ARIH2: variants seen among roughly 807,000 people sequenced by gnomAD.
ARIH2 encodes ariadne RBR E3 ubiquitin protein ligase 2.
ARIH2 carries 12 observed loss-of-function variants against 79.8 expected under a neutral mutation model. The ratio of observed to expected loss-of-function variants is 0.15; its 90% confidence interval spans 0.10 to 0.24. The LOEUF (loss-of-function observed/expected upper bound fraction) is 0.24. ARIH2 is among the 10% of genes least tolerant of loss of function. The probability of loss-of-function intolerance (pLI) is 1.00; values close to 1 mark genes in which losing one functional copy is unlikely to be tolerated. For missense variants in ARIH2, 301 were observed against 618.3 expected, an observed-to-expected ratio of 0.49 and a Z score of 5.44; for synonymous variants, 224 against 213.9, an observed-to-expected ratio of 1.05 and a Z score of -0.41.
chr3:48,919,313 G>C, intron 1 of ARIH2: 2 of 866,614 alleles, frequency 2.3e-6, no homozygotes, highest in Non-Finnish European at 3.1e-6. Context: ...GCGCCGCCTC[G>C]GGGCTCACCA....
At chr3:48,930,783 C>T (rs1456480653) in intron 3 of ARIH2, among the ~76,000 whole-genome samples, 4 of 152,138 alleles carry the variant, frequency 2.6e-5, no homozygotes, top group Non-Finnish European at 2.9e-5. Flanking sequence ...TCCCATTGGT[C>T]GTAGTGCTGA....
chr3:48,952,940 T>C (rs964436422), intron 3 of ARIH2, among the ~76,000 whole-genome samples: 3 of 152,100 alleles, frequency 2.0e-5, no homozygotes, highest in Non-Finnish European at 4.4e-5. Flanking sequence ...AGCAATTTTT[T>C]TTTTTTTAAA....
At position 48,979,451 on chromosome 3, in the gene ARIH2, A is replaced by G. The variant is rs767376945; in HGVS notation, c.962-31A>G. On this transcript the variant is annotated intron_variant, in intron 11 of 15. Transcript: ENST00000356401. The stretch of plus-strand genomic sequence containing the variant: ...GGAGGAAAGTGGAGTTGTCTTGTAG[A>G]TGTAAATGACTCTTCCTCTGTTCTG... 11 of 1,606,082 alleles carry G rather than the reference A, an allele frequency of 6.8e-6. No homozygotes were observed. The Admixed American group carries it at 1.5e-4, about 22-fold the overall frequency.
At chr3:48,934,936 A>G (rs374972189) in intron 3 of ARIH2, 1 of 985,184 alleles carries the variant, frequency 1.0e-6, no homozygotes, top group Non-Finnish European at 1.2e-6. Flanking sequence ...GTCATGTGTA[A>G]TCAAGGGGTG....
intron 14 of ARIH2, chr3:48,982,678 T>A (rs2092793295): frequency 1.9e-6 from 1 of 534,080 alleles, no homozygotes; most frequent in South Asian, 2.3e-5. Flanking sequence ...GGAGTGGACC[T>A]TTTGAGGGTC....
intron 2 of ARIH2, 58 bp from the exon 3 acceptor site, chr3:48,927,404 T>G: frequency 4.4e-6 from 4 of 908,118 alleles, no homozygotes; most frequent in Non-Finnish European, 6.5e-6. Flanking sequence ...CTTGAATGGT[T>G]TCTGTTACAA....
intron 3 of ARIH2, among the ~76,000 whole-genome samples, chr3:48,946,257 C>T (rs1483609764): frequency 6.6e-6 from 1 of 151,930 alleles, no homozygotes; most frequent in Non-Finnish European, 1.5e-5. Flanking sequence ...AACTGTGTGA[C>T]ACATTTACTA....
At chr3:48,966,412 T>A (rs926879800) in intron 5 of ARIH2, among the ~76,000 whole-genome samples, 3 of 152,220 alleles carry the variant, frequency 2.0e-5, no homozygotes, top group African/African-American at 7.2e-5. Flanking sequence ...CAGATTGTCT[T>A]TCTCTGCCAG....
chr3:48,962,112 C>T (rs2091330916), intron 4 of ARIH2, among the ~76,000 whole-genome samples: 1 of 152,106 alleles, frequency 6.6e-6, no homozygotes, highest in Admixed American at 6.5e-5. Context: ...CGTGGTGGCT[C>T]ATGCCTGTAA....
In ARIH2 at chr3:48,986,332, G is replaced by GTTTGTTT. The variant is rs2092899462; in HGVS notation, c.*3071_*3077dup. On this transcript the variant is annotated 3_prime_UTR_variant, in exon 16 of 16. Coordinates refer to ENST00000356401, the MANE Select transcript of ARIH2 (RefSeq NM_006321.4). The stretch of plus-strand genomic sequence containing the variant: ...TAGAAGGAATTGATCACTAGTGAAT[G>GTTTGTTT]TTTGTTTTTTGTTTTGAGACAGTCT... 6.6e-6 allele frequency: 1 copy of GTTTGTTT among 152,220 alleles called. No individual in the cohort carries two copies. The highest frequency in any genetic ancestry group is 2.4e-5 in the African/African-American group (1 of 41,430). 9.4% of individuals were successfully genotyped at this position (152,220 alleles called of 1,614,324 possible). A position where few individuals can be genotyped will look rare whatever the true frequency, so the allele number is the denominator to read the frequency against.
intron 6 of ARIH2, among the ~76,000 whole-genome samples, chr3:48,967,519 C>T (rs1055244902): frequency 6.6e-6 from 1 of 152,208 alleles, no homozygotes; most frequent in Admixed American, 6.5e-5. Flanking sequence ...TACCTTCTCT[C>T]ACCTTTTGGG....
At chr3:48,976,369 C>T (rs1375533550) in intron 11 of ARIH2, among the ~76,000 whole-genome samples, 1 of 151,998 alleles carries the variant, frequency 6.6e-6, no homozygotes, top group East Asian at 1.9e-4. Context: ...CACCACCACA[C>T]CTGGATAATT....
chr3:48,961,554 G>A (rs368801554), intron 3 of ARIH2, 58 bp from the exon 4 acceptor site: 23 of 1,137,598 alleles, frequency 2.0e-5, no homozygotes, highest in Middle Eastern at 1.9e-4. Flanking sequence ...CTCAAAATGC[G>A]AAACACTTTA....
intron 12 of ARIH2, 47 bp downstream of exon 12, chr3:48,979,680 A>G: frequency 3.1e-6 from 5 of 1,601,902 alleles, no homozygotes; most frequent in Non-Finnish European, 4.3e-6. Flanking sequence ...GGCTTCTTCC[A>G]CTTGGCCTGC....
intron 13 of ARIH2, among the ~76,000 whole-genome samples, chr3:48,981,317 A>G (rs1432367169): frequency 6.6e-6 from 1 of 151,936 alleles, no homozygotes; most frequent in Non-Finnish European, 1.5e-5. Flanking sequence ...GGGCAACAGA[A>G]CAAAACCTTG....
chr3:48,932,646 G>A (rs904208413), intron 3 of ARIH2, among the ~76,000 whole-genome samples: 2 of 152,214 alleles, frequency 1.3e-5, no homozygotes, highest in Non-Finnish European at 2.9e-5. Flanking sequence ...CAAAGCCCAG[G>A]CAGGATCATG....
rs1435511506 is a variant in ARIH2, at chr3:48,965,156, C to CATCCTGGCTAACACGGTGAA, written c.387+176_387+195dup. On this transcript the variant is annotated intron_variant, in intron 5 of 15. Transcript: ENST00000356401. ...GATTACGAGGTCAGGAGATCGAGAC[C>CATCCTGGCTAACACGGTGAA]ATCCTGGCTAACACGGTGAAACCCT... 3.3e-5 allele frequency among the ~76,000 whole-genome samples: 5 copies of CATCCTGGCTAACACGGTGAA among 151,448 alleles called. No homozygotes were observed. The East Asian group carries it at 7.8e-4, about 24-fold the overall frequency.
intron 3 of ARIH2, among the ~76,000 whole-genome samples, chr3:48,933,571 A>G (rs2086689017): frequency 1.5e-5 from 2 of 130,906 alleles, no homozygotes; most frequent in Admixed American, 1.6e-4. Flanking sequence ...TTTAGTTGAG[A>G]CGGACTCTCG....
At chr3:48,930,980 C>A (rs1482002893) in intron 3 of ARIH2, among the ~76,000 whole-genome samples, 1 of 152,128 alleles carries the variant, frequency 6.6e-6, no homozygotes, top group Non-Finnish European at 1.5e-5. Context: ...TCTGTGTACT[C>A]ATTTTGTTGT....
Sources: gnomAD v4.1 joint callset for allele counts (sites outside exome capture counted in the v4.1 genomes callset) on GRCh38, gnomAD v4.1.1 for gene constraint, MANE v1.5 for transcripts, NCBI Gene and HGNC (gene_info 2026-07-23, HGNC 2026-07-21) for gene names.